ROR2: variants seen among roughly 807,000 people sequenced by gnomAD.
ROR2 encodes the protein tyrosine-protein kinase transmembrane receptor ROR2.
In ROR2, 33 loss-of-function variants were observed where a neutral mutation model predicts 74.9. The ratio of observed to expected loss-of-function variants is 0.44; its 90% CI spans 0.33 to 0.59. The LOEUF (loss-of-function observed/expected upper bound fraction) is 0.59. Ranked by LOEUF, ROR2 falls within the 20% of genes least tolerant of loss-of-function variation. The pLI, the probability that ROR2 is intolerant of heterozygous loss-of-function variation, is 0.02. For missense variants in ROR2, 1,216 were observed against 1,313.8 expected, an observed-to-expected ratio of 0.93 and a Z score of 1.15; for synonymous variants, 586 against 558.7, an observed-to-expected ratio of 1.05 and a Z score of -0.69.
intron 1 of ROR2, among the ~76,000 whole-genome samples, chr9:91,842,991 G>A (rs1162321444): frequency 6.6e-6 from 1 of 152,214 alleles, no homozygotes; most frequent in Non-Finnish European, 1.5e-5. Context: ...GGGGCACTCT[G>A]GGGTTTCTTT....
At chr9:91,732,979 T>C in intron 6 of ROR2, 143 bp downstream of exon 6, 3 of 815,026 alleles carry the variant, frequency 3.7e-6, no homozygotes, top group South Asian at 3.6e-5. Flanking sequence ...AGGCCTAGGC[T>C]GTGGGGCCCT....
At chr9:91,792,675 TA>T (rs1827041503) in intron 1 of ROR2, among the ~76,000 whole-genome samples, 1 of 152,132 alleles carries the variant, frequency 6.6e-6, no homozygotes, top group Non-Finnish European at 1.5e-5. Flanking sequence ...CTCAAATTAT[TA>T]ATATTAAGAA....
At chr9:91,887,315 C>G (rs1307247916) in intron 1 of ROR2, 1 of 152,198 alleles carries the variant, frequency 6.6e-6, no homozygotes, top group African/African-American at 2.4e-5. Flanking sequence ...CTCGAGCCCC[C>G]CTCCAATGGC....
intron 1 of ROR2, among the ~76,000 whole-genome samples, chr9:91,844,303 G>A (rs1828862768): frequency 2.6e-5 from 4 of 152,120 alleles, no homozygotes; most frequent in Admixed American, 2.6e-4. Flanking sequence ...ACTGTTTGCA[G>A]GTTCCTGGGG....
intron 1 of ROR2, among the ~76,000 whole-genome samples, chr9:91,784,597 T>C (rs1826731768): frequency 6.6e-6 from 1 of 152,120 alleles, no homozygotes; most frequent in Admixed American, 6.6e-5. Context: ...GTGTGGCTGC[T>C]GTTAGTGGGT....
At chr9:91,826,552 C>T (rs964910574) in intron 1 of ROR2, among the ~76,000 whole-genome samples, 19 of 152,054 alleles carry the variant, frequency 1.2e-4, no homozygotes, top group Non-Finnish European at 2.2e-4. Context: ...GAGGCTGAGG[C>T]GGGCGGATCA....
chr9:91,833,229 C>T (rs1367826472), intron 1 of ROR2, among the ~76,000 whole-genome samples: 1 of 152,162 alleles, frequency 6.6e-6, no homozygotes, highest in Non-Finnish European at 1.5e-5. Context: ...CCCAAGGCTG[C>T]TCAGCTGCTT....
At chr9:91,735,447 C>T (rs546816806) in intron 5 of ROR2, among the ~76,000 whole-genome samples, 16 of 152,180 alleles carry the variant, frequency 1.1e-4, no homozygotes, top group Admixed American at 3.3e-4. Flanking sequence ...TTAAACAACT[C>T]CTGAAGAGAT....
rs1013003781 is a variant in ROR2, at chr9:91,723,568, TGA to T, written c.*92_*93del. On this transcript the variant is annotated 3_prime_UTR_variant, in exon 9 of 9. Transcript: ENST00000375708. Reference sequence around the variant, plus strand: ...AAGCCCACTGGCCGGCGGGCTCTTGTGATTGCTGAGTATGGTGTCTTCTCAAA... The same window carrying T: ...AAGCCCACTGGCCGGCGGGCTCTTGTTTGCTGAGTATGGTGTCTTCTCAAA... 1.3e-6 allele frequency: 2 copies of T among 1,535,730 alleles called. No individual in the cohort carries two copies. Among genetic ancestry groups the T allele is most frequent in the African/African-American group, 2.7e-5 (2 of 72,898 alleles).
intron 1 of ROR2, among the ~76,000 whole-genome samples, chr9:91,863,435 G>C (rs1350556161): frequency 6.6e-6 from 1 of 152,068 alleles, no homozygotes; most frequent in Non-Finnish European, 1.5e-5. Flanking sequence ...TAGCCAAAAA[G>C]TAAAAACATC....
rs748786708 is a variant in ROR2 at position 91,724,930 on chromosome 9, G to A, written c.1564C>T (p.Arg522Trp). 24 of 1,612,440 alleles carry A rather than the reference G, an allele frequency of 1.5e-5. No homozygotes were observed. In the Admixed American group the frequency reaches 1.5e-4, roughly 10 times the overall value. ...CGTGCTCGCAGCATAGCCTCATGCC[G>A]GAACTCCTCCCGCAGGGGCCCCTCC... ...KAEGPLREEFRHEAMLRARLQ... is the reference protein window; with the variant it reads ...KAEGPLREEFWHEAMLRARLQ... The change falls in exon 9 of 9, where the codon CGG (arginine) becomes TGG (tryptophan). Residue 522 changes from arginine (R) to tryptophan (W), a missense_variant. Transcript: ENST00000375708.
intron 1 of ROR2, among the ~76,000 whole-genome samples, chr9:91,899,813 C>T (rs117364253): frequency 5.3e-5 from 8 of 152,230 alleles, no homozygotes; most frequent in Non-Finnish European, 7.4e-5. Context: ...CTCACACGTA[C>T]GCACACGTAC....
intron 1 of ROR2, among the ~76,000 whole-genome samples, chr9:91,920,830 T>A (rs1831246735): frequency 6.6e-6 from 1 of 152,156 alleles, no homozygotes. Context: ...AGATCTGAAG[T>A]GAACATAATT....
chr9:91,925,159 G>C (rs1459470255), intron 1 of ROR2, among the ~76,000 whole-genome samples: 1 of 152,114 alleles, frequency 6.6e-6, no homozygotes, highest in East Asian at 1.9e-4. Context: ...GACCATGTTT[G>C]CATTTTTAAC....
In ROR2 at chr9:91,726,674, ATGACCAG is replaced by A. The variant is rs767934037; in HGVS notation, c.1246_1252del (p.Leu416SerfsTer27). On this transcript the variant is annotated frameshift_variant, in exon 8 of 9. Transcript: ENST00000375708. LOFTEE classifies it high-confidence loss of function. ...GCAAACCAAGAAGAAAAGGCAAGCGATGACCAGTGGAATTGCGATGCTGGGGACCAAG... is the reference window on the plus strand; with the variant it reads ...GCAAACCAAGAAGAAAAGGCAAGCGATGGAATTGCGATGCTGGGGACCAAG... The A allele has an allele frequency of 6.2e-7, 1 of 1,613,992 alleles. No homozygotes were observed. The highest frequency in any genetic ancestry group is 8.5e-7 in the Non-Finnish European group (1 of 1,180,006).
At chr9:91,896,316 T>C (rs59916937) in intron 1 of ROR2, among the ~76,000 whole-genome samples, 41,102 of 152,104 alleles carry the variant, frequency 0.27, 6,789 homozygotes, top group African/African-American at 0.47. Flanking sequence ...AAAGATGCAA[T>C]CTTGGTTCCC....
rs751616100 is a variant in ROR2 at position 91,724,430 on chromosome 9, G to A, written c.2064C>T (p.Tyr688=). 1.3e-4 allele frequency: 215 copies of A among 1,614,202 alleles called. 1 individual carries two copies. Among genetic ancestry groups the A allele is most frequent in the South Asian group, 7.7e-4 (70 of 91,088 alleles). ...YGVVLWEVFS[Y]GLQPYCGYSN... is the part of the protein sequence containing the mutation. Reference sequence around the variant, plus strand: ...AGTACCCGCAGTAGGGCTGCAGGCCGTAGCTGAAGACCTCCCACAGGACCA... The same window carrying A: ...AGTACCCGCAGTAGGGCTGCAGGCCATAGCTGAAGACCTCCCACAGGACCA... The change falls in exon 9 of 9, where the codon TAC becomes TAT. Residue 688 remains tyrosine (Y), a synonymous_variant. Transcript: ENST00000375708.
chr9:91,848,521 G>A (rs141236100), intron 1 of ROR2, among the ~76,000 whole-genome samples: 2,234 of 152,232 alleles, frequency 0.015, 60 homozygotes, highest in African/African-American at 0.051. Flanking sequence ...AGAACTTTAG[G>A]AGGCCGAGTT....
Position 91,779,361 on chromosome 9 carries a change from T to C in ROR2, c.98-3543A>G, listed in dbSNP as rs552622052. 1.1e-4 allele frequency among the ~76,000 whole-genome samples: 15 copies of C among 137,672 alleles called. No homozygotes were observed. In the South Asian group the frequency reaches 2.3e-3, roughly 21 times the overall value. The allele number at this position is 137,672 out of a possible 152,430, so 90.3% of individuals were successfully genotyped here. On this transcript the variant is annotated intron_variant, in intron 1 of 8. Coordinates refer to ENST00000375708, the MANE Select transcript of ROR2 (RefSeq NM_004560.4). The stretch of plus-strand genomic sequence containing the variant: ...AAAACATTCTACCTCCAAACACTTA[T>C]ACTTTTCTTTTTTTTTTTTTTTTTT...
Sources: gnomAD v4.1 joint callset for allele counts (sites outside exome capture counted in the v4.1 genomes callset) on GRCh38, gnomAD v4.1.1 for gene constraint, MANE v1.5 for transcripts, NCBI Gene and HGNC (gene_info 2026-07-23, HGNC 2026-07-21) for gene names.